Variants in CD63 observed in about 807,000 individuals in gnomAD.
CD63 encodes CD63 antigen.
CD63 carries 16 observed loss-of-function variants against 29.2 expected under a neutral mutation model. That is an observed-to-expected ratio of 0.55 (90% confidence interval 0.37 to 0.83). The LOEUF (loss-of-function observed/expected upper bound fraction) is 0.83. CD63 is among the 40% of genes least tolerant of loss of function. The pLI is 0.00. For missense variants in CD63, 251 were observed against 297.3 expected (o/e 0.84, Z 1.15); for synonymous variants, 118 against 111.7 (o/e 1.06, Z -0.36).
At position 55,725,829 on chromosome 12, in the gene CD63, C is replaced by T. The variant is rs1255412855; in HGVS notation, c.635G>A (p.Gly212Glu). 1 of 1,614,088 alleles carries T rather than the reference C, an allele frequency of 6.2e-7. No individual in the cohort carries two copies. The highest frequency in any genetic ancestry group is 8.5e-7 in the Non-Finnish European group (1 of 1,179,992). ...NVLVVAAAAL[G>E]IAFVEVLGIV... ...ATCTCTTACCTCGACAAAAGCAATT[C>T]CAAGGGCTGCTGCAGCTACCACCAG... The change falls in exon 7 of 8, where the codon GGA (glycine) becomes GAA (glutamate). Residue 212 changes from glycine to glutamate, a missense_variant. Physicochemically the swap from Gly to Glu is moderately conservative, Grantham distance 98. Transcript: ENST00000257857.
Position 55,725,467 on chromosome 12 carries a change from CTCT to C in CD63, c.*91_*93del. 1 of 1,001,986 alleles carries C rather than the reference CTCT, an allele frequency of 1.0e-6. No individual in the cohort carries two copies. Among genetic ancestry groups the C allele is most frequent in the Non-Finnish European group, 1.6e-6 (1 of 627,096 alleles). The allele number at this position is 1,001,986 out of a possible 1,614,324, so 62.1% of individuals were successfully genotyped here. ...TCACTCTAAGACAAACTCAGACCAT[CTCT>C]TTTCGGTCTGAAAAAATAATCCGTT... is the stretch of plus-strand genomic sequence containing the variant. On this transcript the variant is annotated 3_prime_UTR_variant, in exon 8 of 8. Transcript: ENST00000257857.
upstream of CD63, chr12:55,729,815 T>G (rs936961965): frequency 2.6e-5 from 4 of 152,216 alleles, no homozygotes; most frequent in South Asian, 2.1e-4. Flanking sequence ...CCGTCTGTGA[T>G]AGCGAGGGCT....
intron 7 of CD63, 90 bp from the exon 8 acceptor site, chr12:55,725,716 A>G: frequency 6.6e-7 from 1 of 1,515,654 alleles, no homozygotes; most frequent in Non-Finnish European, 9.2e-7. Context: ...ACACACTCCC[A>G]GGCCAGTACC....
chr12:55,725,058 C>A (rs1565656508), downstream of CD63, among the ~76,000 whole-genome samples: 1 of 152,124 alleles, frequency 6.6e-6, no homozygotes, highest in Non-Finnish European at 1.5e-5. Flanking sequence ...GGTGTCAAGG[C>A]AACTTATCAT....
Position 55,727,173 on chromosome 12 carries a change from TC to T in CD63, c.232del (p.Glu78ArgfsTer6). ...CACCGTGATCATAAGACAATAGTTC[TC>T]CTTGCAGGCCCCGCAGCAGCCCACA... ...AFVGCCGACKENYCLMITFAI... is the reference protein window; with the variant it reads ...AFVGCCGACKXNYCLMITFAI... On this transcript the variant is annotated frameshift_variant, in exon 3 of 8. Transcript: ENST00000257857. LOFTEE classifies it high-confidence loss of function. 6.2e-7 allele frequency: 1 copy of T among 1,613,386 alleles called. No individual in the cohort carries two copies. Among genetic ancestry groups the T allele is most frequent in the Non-Finnish European group, 8.5e-7 (1 of 1,179,868 alleles).
chr12:55,724,415 A>G, downstream of CD63: 2 of 1,613,914 alleles, frequency 1.2e-6, no homozygotes, highest in African/African-American at 1.3e-5. Flanking sequence ...ACTGCTCGAC[A>G]CCCCCGAACC....
intron 5 of CD63, 40 bp downstream of exon 5, chr12:55,726,660 C>G (rs775795074): frequency 6.7e-7 from 1 of 1,493,900 alleles, no homozygotes; most frequent in South Asian, 1.1e-5. Flanking sequence ...GATGAGAATT[C>G]TCTATTCCCA....
At chr12:55,724,440 T>C (rs1477269909), downstream of CD63, 4 of 1,613,976 alleles carry the variant, frequency 2.5e-6, no homozygotes, top group East Asian at 2.2e-5. Context: ...ACAGCCCAGG[T>C]TGGGATGCCA....
At chr12:55,727,771 A>T in intron 2 of CD63, 2 of 1,032,922 alleles carry the variant, frequency 1.9e-6, no homozygotes, top group Non-Finnish European at 2.3e-6. Flanking sequence ...AAAAGGGAGC[A>T]AGAGTGATGT....
chr12:55,724,442 G>A (rs758849577), downstream of CD63: 2 of 1,614,148 alleles, frequency 1.2e-6, no homozygotes, highest in Non-Finnish European at 1.7e-6. Context: ...AGCCCAGGTT[G>A]GGATGCCAAG....
chr12:55,727,536 C>T (rs964170208), intron 2 of CD63, 197 bp from the exon 3 acceptor site: 5 of 1,275,180 alleles, frequency 3.9e-6, no homozygotes, highest in Non-Finnish European at 3.0e-6. Context: ...GATCCCCTCC[C>T]GGCTCTTTAA....
downstream of CD63, chr12:55,724,110 C>T: frequency 6.4e-7 from 1 of 1,565,336 alleles, no homozygotes; most frequent in African/African-American, 1.4e-5. Context: ...AAGGCCAGTC[C>T]TGCATAAGCC....
chr12:55,724,075 C>T (rs777233595), downstream of CD63: 29 of 1,601,294 alleles, frequency 1.8e-5, no homozygotes, highest in South Asian at 2.4e-4. Flanking sequence ...CACACAGGGG[C>T]ACATGAAGGG....
chr12:55,725,970 A>T (rs1877280823), intron 6 of CD63, 74 bp from the exon 7 acceptor site: 1 of 1,454,444 alleles, frequency 6.9e-7, no homozygotes, highest in Admixed American at 1.8e-5. Flanking sequence ...TTGGTCCATC[A>T]GTCTCTTCCC....
At chr12:55,725,754 C>A in intron 7 of CD63, 59 bp downstream of exon 7, 1 of 1,566,376 alleles carries the variant, frequency 6.4e-7, no homozygotes, top group Non-Finnish European at 8.8e-7. Context: ...CTCCCCTCAG[C>A]CCCTTCCCTC....
downstream of CD63, chr12:55,724,203 C>T: frequency 7.0e-7 from 1 of 1,436,184 alleles, no homozygotes; most frequent in South Asian, 1.2e-5. Context: ...GTGGAACCTG[C>T]CCACTCCCCA....
At chr12:55,729,261 G>A (rs796164224), upstream of CD63, 29 of 511,000 alleles carry the variant, frequency 5.7e-5, no homozygotes, top group African/African-American at 5.8e-4. Flanking sequence ...GGGCGCCTGG[G>A]GCCCCCCTCT....
upstream of CD63, chr12:55,729,027 C>A: frequency 2.0e-6 from 2 of 985,388 alleles, no homozygotes; most frequent in Non-Finnish European, 2.4e-6. Flanking sequence ...CCCCCCGGCT[C>A]CCGCCCCGCC....
downstream of CD63, chr12:55,723,799 A>C: frequency 6.7e-7 from 1 of 1,495,030 alleles, no homozygotes; most frequent in South Asian, 1.1e-5. Context: ...GGTCTGTGGT[A>C]ACTTTCTCAG....
Sources: allele counts gnomAD v4.1 joint callset (sites outside exome capture counted in the v4.1 genomes callset), GRCh38; gene constraint gnomAD v4.1.1; transcripts MANE v1.5; gene names NCBI Gene and HGNC (gene_info 2026-07-23, HGNC 2026-07-21).